The following RPL32 variants were observed in gnomAD, a reference collection of about 807,000 sequenced individuals.
RPL32 encodes large ribosomal subunit protein eL32.
For synonymous variants in RPL32, 61 were observed against 62.6 expected, an observed-to-expected ratio of 0.98 and a Z score of 0.12; for missense variants, 117 against 173.7, an observed-to-expected ratio of 0.67 and a Z score of 1.83.
chr3:12,839,780 G>T (rs1226166320), intron 2 of RPL32, among the ~76,000 whole-genome samples: 1 of 152,198 alleles, frequency 6.6e-6, no homozygotes, highest in Non-Finnish European at 1.5e-5. Flanking sequence ...TGGGATGCGA[G>T]GGGACTGTGT....
rs76092315 is a variant in RPL32 at position 12,834,659 on chromosome 3, C to G, written c.*1435G>C. The G allele has an allele frequency of 0.018, 2,726 of 152,594 alleles. 73 individuals are homozygous for G. Among genetic ancestry groups the G allele is most frequent in the African/African-American group, 0.062 (2,559 of 41,532 alleles). The allele number at this position is 152,594 out of a possible 1,614,324, so 9.5% of individuals were successfully genotyped here. On this transcript the variant is annotated 3_prime_UTR_variant, in exon 4 of 4. Coordinates refer to ENST00000429711, the MANE Select transcript of RPL32 (RefSeq NM_000994.4). ...ACAATGGGCATCTTCCATGCCACCA[C>G]CCAGGCATAACCAGTTGGTTTGTTT...
At chr3:12,838,897 A>G (rs2086307432) in intron 3 of RPL32, among the ~76,000 whole-genome samples, 1 of 152,064 alleles carries the variant, frequency 6.6e-6, no homozygotes, top group African/African-American at 2.4e-5. Context: ...CTCCCCGCCC[A>G]CCTTGGACAC....
rs1357037030 is a variant in RPL32, at chr3:12,839,375, C to T, written c.252G>A (p.Glu84=). 8 of 1,614,014 alleles carry T rather than the reference C, an allele frequency of 5.0e-6. No homozygotes were observed. The South Asian group carries it at 8.8e-5, about 18-fold the overall frequency. Residue 84 remains glutamate, a synonymous_variant, in exon 3 of 4, where the codon GAG becomes GAA. Transcript: ENST00000429711. ...TGTTGCACATCAGCAGCACTTCCAG[C>T]TCCTTGACGTTGTGGACCAGGAACT... ...FRKFLVHNVK[E]LEVLLMCNKS...
chr3:12,839,422 T>G lies in RPL32; in HGVS notation c.205A>C (p.Met69Leu). ...GYGSNKKTKH[M>L]LPSGFRKFLV... ...AACTTCCGGAAGCCACTGGGCAGCATGTGCTTTGTTTTTTTGTTGCTTCCA... is the reference window on the plus strand; with the variant it reads ...AACTTCCGGAAGCCACTGGGCAGCAGGTGCTTTGTTTTTTTGTTGCTTCCA... The change falls in exon 3 of 4, where the codon ATG (methionine) becomes CTG (leucine). Residue 69 changes from methionine to leucine, a missense_variant. By Grantham distance (15) the Met-to-Leu change is conservative (BLOSUM62 2). Transcript: ENST00000429711. 1 of 1,614,182 alleles carries G rather than the reference T, an allele frequency of 6.2e-7. No homozygotes were observed. The highest frequency in any genetic ancestry group is 8.5e-7 in the Non-Finnish European group (1 of 1,180,036).
At chr3:12,840,550 C>T in intron 1 of RPL32, 1 of 520,998 alleles carries the variant, frequency 1.9e-6, no homozygotes, top group Non-Finnish European at 3.8e-6. Context: ...CAGCAAATCC[C>T]ACCCCACCAG....
intron 1 of RPL32, chr3:12,840,659 C>T (rs749747108): frequency 5.1e-6 from 2 of 388,782 alleles, no homozygotes; most frequent in South Asian, 3.8e-5. Context: ...TGACACTGCG[C>T]GCTGAATGCC....
chr3:12,836,031 G>A lies in RPL32; in HGVS notation c.*63C>T, dbSNP rs745763307. 5.0e-6 allele frequency: 8 copies of A among 1,587,788 alleles called. No homozygotes were observed. Among genetic ancestry groups the A allele is most frequent in the African/African-American group, 1.3e-5 (1 of 74,340 alleles). Reference sequence around the variant, plus strand: ...AAGAAGCTGAAGACTTAAAATCAAGGAAGGAAGATGCCAGATGGCAGTTTT... The same window carrying A: ...AAGAAGCTGAAGACTTAAAATCAAGAAAGGAAGATGCCAGATGGCAGTTTT... On this transcript the variant is annotated 3_prime_UTR_variant, in exon 4 of 4. Transcript: ENST00000429711.
chr3:12,837,303 TTG>T (rs2062107569), intron 3 of RPL32, among the ~76,000 whole-genome samples: 1 of 152,372 alleles, frequency 6.6e-6, no homozygotes, highest in South Asian at 2.1e-4. Flanking sequence ...ATATTTTCAG[TTG>T]TTTCCAGTGG....
At chr3:12,837,474 T>A (rs2062108512) in intron 3 of RPL32, among the ~76,000 whole-genome samples, 1 of 152,246 alleles carries the variant, frequency 6.6e-6, no homozygotes, top group East Asian at 1.9e-4. Context: ...CCAGCCAACA[T>A]GTGCACTGCA....
chr3:12,840,220 G>T lies in RPL32; in HGVS notation c.18C>A (p.Pro6=), dbSNP rs779791083. ...TTTTGACGATCTTGGGCTTCACAAG[G>T]GGTCTGAGGGCGGCCATGATGCCTT... MAALR[P]LVKPKIVKKR... is the part of the protein sequence containing the mutation. Residue 6 remains proline (P), a synonymous_variant, in exon 2 of 4, where the codon CCC becomes CCA. Coordinates refer to ENST00000429711, the MANE Select transcript of RPL32 (RefSeq NM_000994.4). 5.6e-6 allele frequency: 9 copies of T among 1,613,824 alleles called. No homozygotes were observed. The highest frequency in any genetic ancestry group is 1.1e-5 in the South Asian group (1 of 91,086).
intron 2 of RPL32, 39 bp from the exon 3 acceptor site, chr3:12,839,569 A>G (rs1319224703): frequency 1.9e-6 from 3 of 1,599,498 alleles, no homozygotes; most frequent in Non-Finnish European, 2.6e-6. Context: ...GCGTCTGTGC[A>G]GAGTGCGAAC....
At chr3:12,841,089 G>C (rs1480921875) in intron 1 of RPL32, 2 of 153,308 alleles carry the variant, frequency 1.3e-5, no homozygotes, top group African/African-American at 4.8e-5. Context: ...CCTCGGGCCA[G>C]AGACTGCAGC....
chr3:12,838,187 G>A (rs78085176), intron 3 of RPL32, among the ~76,000 whole-genome samples: 3,056 of 152,268 alleles, frequency 0.02, 39 homozygotes, highest in Middle Eastern at 0.048. Context: ...CAGGCAGACC[G>A]CTTAAGGTCA....
In RPL32 at chr3:12,835,570, C is replaced by G. The variant is rs1056635794; in HGVS notation, c.*524G>C. ...GACTGAAAGTGCTTTTCCAGTTAAC[C>G]GTGGTGGATTACCTGGAAGAGCAAT... On this transcript the variant is annotated 3_prime_UTR_variant, in exon 4 of 4. Transcript: ENST00000429711. 1.9e-5 allele frequency: 3 copies of G among 156,040 alleles called. No individual in the cohort carries two copies. Among genetic ancestry groups the G allele is most frequent in the African/African-American group, 7.2e-5 (3 of 41,452 alleles). The allele number at this position is 156,040 out of a possible 1,614,324, so 9.7% of individuals were successfully genotyped here. A position where few individuals can be genotyped will look rare whatever the true frequency, so the allele number is the denominator to read the frequency against.
intron 3 of RPL32, 157 bp downstream of exon 3, chr3:12,839,192 C>T: frequency 1.5e-6 from 1 of 681,156 alleles, no homozygotes; most frequent in Non-Finnish European, 2.6e-6. Flanking sequence ...AACAAGCATT[C>T]TCTAAAATCC....
rs1448151310 is a variant in RPL32 at position 12,835,353 on chromosome 3, G to T, written c.*741C>A. On this transcript the variant is annotated 3_prime_UTR_variant, in exon 4 of 4. Coordinates refer to ENST00000429711, the MANE Select transcript of RPL32 (RefSeq NM_000994.4). ...ATCACCTGAGCCTGGGGAGGTCAAG[G>T]CTGTAGTCAGTGTGCCACTGCACTC... The T allele has an allele frequency of 6.6e-6, 1 of 152,236 alleles. No individual in the cohort carries two copies. Among genetic ancestry groups the T allele is most frequent in the Admixed American group, 6.5e-5 (1 of 15,278 alleles). The allele number at this position is 152,236 out of a possible 1,614,324, so 9.4% of individuals were successfully genotyped here. A position where few individuals can be genotyped will look rare whatever the true frequency, so the allele number is the denominator to read the frequency against.
rs1403444950 is a variant in RPL32 at position 12,836,027 on chromosome 3, CAAGG to C, written c.*63_*66del. On this transcript the variant is annotated 3_prime_UTR_variant, in exon 4 of 4. Coordinates refer to ENST00000429711, the MANE Select transcript of RPL32 (RefSeq NM_000994.4). Reference sequence around the variant, plus strand: ...GGCCAAGAAGCTGAAGACTTAAAATCAAGGAAGGAAGATGCCAGATGGCAGTTTT... The same window carrying C: ...GGCCAAGAAGCTGAAGACTTAAAATCAAGGAAGATGCCAGATGGCAGTTTT... The C allele has an allele frequency of 4.4e-6, 7 of 1,583,602 alleles. No individual in the cohort carries two copies. Among genetic ancestry groups the C allele is most frequent in the Non-Finnish European group, 4.3e-6 (5 of 1,163,450 alleles).
At chr3:12,840,472 G>C (rs753716125) in intron 1 of RPL32, 2 of 666,582 alleles carry the variant, frequency 3.0e-6, no homozygotes, top group South Asian at 2.7e-5. Flanking sequence ...CACCCACTCA[G>C]AGCCCAAAGA....
chr3:12,841,517 C>T lies in RPL32; in HGVS notation c.-29G>A, dbSNP rs2062152396. The T allele has an allele frequency of 6.6e-6, 1 of 152,250 alleles. No individual in the cohort carries two copies. The highest frequency in any genetic ancestry group is 2.4e-5 in the African/African-American group (1 of 41,462). The allele number at this position is 152,250 out of a possible 1,614,324, so 9.4% of individuals were successfully genotyped here. On this transcript the variant is annotated 5_prime_UTR_variant, in exon 1 of 4. Transcript: ENST00000429711. ...ACCGAGAAGGAGATGGCTGCCACCT[C>T]CGTAGGCAGCGCCGAGGAAGAGAGA...
Sources: allele counts gnomAD v4.1 joint callset (sites outside exome capture counted in the v4.1 genomes callset), GRCh38; gene constraint gnomAD v4.1.1; transcripts MANE v1.5; gene names NCBI Gene and HGNC (gene_info 2026-07-23, HGNC 2026-07-21).